FAM107B: variants seen among roughly 807,000 people sequenced by gnomAD.
The protein encoded by FAM107B is protein FAM107B.
A neutral mutation model predicts 31.5 loss-of-function variants in FAM107B; 21 were observed. The observed-to-expected ratio is 0.67, with a 90% CI of 0.47 to 0.96. The LOEUF (loss-of-function observed/expected upper bound fraction) is 0.96. Among genes scored for constraint, FAM107B ranks in the 40% least tolerant of loss-of-function variants. The pLI is 0.00. For synonymous variants in FAM107B, 157 were observed against 141.5 expected (o/e 1.11, Z -0.78); for missense variants, 452 against 377.1 (o/e 1.20, Z -1.64).
rs375348586 is a variant in FAM107B at position 14,632,364 on chromosome 10, C to A, written c.469+35270G>T. Among the ~76,000 whole-genome samples the A allele has an allele frequency of 2.8e-5, 4 of 143,014 alleles. No homozygotes were observed. The South Asian group carries it at 6.7e-4, about 24-fold the overall frequency. 93.8% of individuals were successfully genotyped at this position (143,014 alleles called of 152,430 possible). On this transcript the variant is annotated intron_variant, in intron 2 of 4. Coordinates refer to ENST00000181796, the MANE Select transcript of FAM107B (RefSeq NM_031453.4). ...CAGTGGCTCACGCCTGTAATCCCAG[C>A]ACTTTGGGAGGCCAAGGTGGGCAGA...
chr10:14,670,663 C>A (rs1200551236), intron 1 of FAM107B, among the ~76,000 whole-genome samples: 1 of 152,170 alleles, frequency 6.6e-6, no homozygotes, highest in Admixed American at 6.5e-5. Context: ...TAACATAGCC[C>A]TTTAGCTCTT....
Position 14,719,099 on chromosome 10 carries a change from G to C in FAM107B, c.412-51408C>G, listed in dbSNP as rs11259290. Among the ~76,000 whole-genome samples the C allele has an allele frequency of 4.6e-5, 7 of 152,318 alleles. No individual in the cohort carries two copies. The East Asian group carries it at 1.4e-3, about 29-fold the overall frequency. The stretch of plus-strand genomic sequence containing the variant: ...CAAATGCACTTAGCTAGTGGTAGGA[G>C]GGGATGTGCCTTCACAGCCAGACAG... On this transcript the variant is annotated intron_variant, in intron 1 of 4. Coordinates refer to ENST00000181796, the MANE Select transcript of FAM107B (RefSeq NM_031453.4).
At chr10:14,607,514 C>A (rs1422605693) in intron 2 of FAM107B, among the ~76,000 whole-genome samples, 1 of 152,184 alleles carries the variant, frequency 6.6e-6, no homozygotes, top group Non-Finnish European at 1.5e-5. Flanking sequence ...GTGTCTGCAA[C>A]ATATCACTCT....
At chr10:14,572,152 G>C in intron 2 of FAM107B, 1 of 985,170 alleles carries the variant, frequency 1.0e-6, no homozygotes, top group Non-Finnish European at 1.2e-6. Context: ...GTATGCAACT[G>C]AATGACCTCA....
chr10:14,663,887 C>CAAAA (rs3035297), intron 2 of FAM107B, among the ~76,000 whole-genome samples: 9,998 of 80,126 alleles, frequency 0.12, 1,553 homozygotes, highest in Middle Eastern at 0.19. Context: ...GATCATCAGC[C>CAAAA]AAAAAAAAAA....
At chr10:14,562,093 G>A (rs950580849) in intron 2 of FAM107B, among the ~76,000 whole-genome samples, 9 of 152,094 alleles carry the variant, frequency 5.9e-5, no homozygotes, top group African/African-American at 2.2e-4. Context: ...GCCTTAGAGT[G>A]CATTTTCTAC....
intron 1 of FAM107B, among the ~76,000 whole-genome samples, chr10:14,766,012 C>G (rs1220326038): frequency 6.6e-6 from 1 of 152,188 alleles, no homozygotes; most frequent in Non-Finnish European, 1.5e-5. Flanking sequence ...CCAAGCAGCA[C>G]TGACATCTGC....
intron 2 of FAM107B, among the ~76,000 whole-genome samples, chr10:14,601,787 C>T (rs1157640343): frequency 2.6e-5 from 4 of 152,242 alleles, no homozygotes; most frequent in African/African-American, 9.6e-5. Flanking sequence ...AACATTAAGC[C>T]ATATTCCTCA....
At chr10:14,578,810 T>C (rs966603950) in intron 2 of FAM107B, among the ~76,000 whole-genome samples, 5 of 152,328 alleles carry the variant, frequency 3.3e-5, no homozygotes, top group South Asian at 2.1e-4. Flanking sequence ...CAAATCATTG[T>C]TGGGAACAAA....
chr10:14,767,027 T>C (rs1209060265), intron 1 of FAM107B, among the ~76,000 whole-genome samples: 1 of 18,732 alleles, frequency 5.3e-5, no homozygotes, highest in Non-Finnish European at 1.4e-4. Flanking sequence ...TGTGTATGTA[T>C]ATATATATAT....
At chr10:14,579,282 T>C (rs1851560502) in intron 2 of FAM107B, among the ~76,000 whole-genome samples, 1 of 152,244 alleles carries the variant, frequency 6.6e-6, no homozygotes. Context: ...GTAGAATTCC[T>C]TGAACAGAGG....
At chr10:14,565,529 G>A (rs1850589115) in intron 2 of FAM107B, among the ~76,000 whole-genome samples, 1 of 152,172 alleles carries the variant, frequency 6.6e-6, no homozygotes, top group African/African-American at 2.4e-5. Context: ...CAATGGATCA[G>A]AGAAAACAAG....
intron 2 of FAM107B, among the ~76,000 whole-genome samples, chr10:14,535,633 T>A (rs1847528407): frequency 6.6e-6 from 1 of 152,220 alleles, no homozygotes; most frequent in African/African-American, 2.4e-5. Flanking sequence ...CTGCATGAAG[T>A]TCTGAATGGC....
At chr10:14,702,497 C>G (rs1421459086) in intron 1 of FAM107B, among the ~76,000 whole-genome samples, 1 of 152,150 alleles carries the variant, frequency 6.6e-6, no homozygotes, top group South Asian at 2.1e-4. Flanking sequence ...CAGGCACACA[C>G]CACAACACCC....
At chr10:14,618,779 G>A (rs1359762165) in intron 2 of FAM107B, among the ~76,000 whole-genome samples, 1 of 152,178 alleles carries the variant, frequency 6.6e-6, no homozygotes, top group Non-Finnish European at 1.5e-5. Context: ...AGAGGTTGCA[G>A]TGAGCCGAGA....
chr10:14,699,810 C>A (rs1411793731), intron 1 of FAM107B, among the ~76,000 whole-genome samples: 1 of 152,228 alleles, frequency 6.6e-6, no homozygotes, highest in Non-Finnish European at 1.5e-5. Context: ...AGGAAGCCTG[C>A]AATGGAGCAA....
chr10:14,643,479 G>T (rs181427605), intron 2 of FAM107B, among the ~76,000 whole-genome samples: 1 of 150,526 alleles, frequency 6.6e-6, no homozygotes, highest in African/African-American at 2.5e-5. Flanking sequence ...ATGTGATCTC[G>T]GTTCACTGCA....
intron 2 of FAM107B, among the ~76,000 whole-genome samples, chr10:14,587,026 G>A (rs942558291): frequency 3.3e-5 from 5 of 152,168 alleles, no homozygotes; most frequent in African/African-American, 9.7e-5. Flanking sequence ...AAACAATCAC[G>A]TATGACATCA....
At chr10:14,567,994 C>T (rs1850821861) in intron 2 of FAM107B, among the ~76,000 whole-genome samples, 2 of 152,212 alleles carry the variant, frequency 1.3e-5, no homozygotes, top group African/African-American at 4.8e-5. Context: ...CACTCAGCTC[C>T]GGCTGCCATG....
Sources: allele counts gnomAD v4.1 joint callset (sites outside exome capture counted in the v4.1 genomes callset), GRCh38; gene constraint gnomAD v4.1.1; transcripts MANE v1.5; gene names NCBI Gene and HGNC (gene_info 2026-07-23, HGNC 2026-07-21).